RP1: variants seen among roughly 807,000 people sequenced by gnomAD.
RP1 encodes the protein oxygen-regulated protein 1.
RP1 carries 16 observed loss-of-function variants against 14.8 expected under a neutral mutation model. The ratio of observed to expected loss-of-function variants is 1.08; its 90% CI spans 0.73 to 1.65. RP1 has a LOEUF of 1.65. Ranked by LOEUF, RP1 falls within the 40% of genes most tolerant of loss-of-function variation. The probability of loss-of-function intolerance (pLI) is 0.00; values close to 1 mark genes in which losing one functional copy is unlikely to be tolerated. For missense variants in RP1, 2,631 were observed against 2,535.0 expected (o/e 1.04, Z -0.81); for synonymous variants, 876 against 883.6 (o/e 0.99, Z 0.15).
intron 22 of RP1, among the ~76,000 whole-genome samples, chr8:54,767,463 G>A (rs1267349288): frequency 6.6e-6 from 1 of 151,640 alleles, no homozygotes; most frequent in Non-Finnish European, 1.5e-5. Context: ...AGGTTTAAGT[G>A]ATTCTCCTGC....
intron 1 of RP1, among the ~76,000 whole-genome samples, chr8:54,586,225 C>G (rs1283337027): frequency 6.6e-6 from 1 of 152,190 alleles, no homozygotes; most frequent in Non-Finnish European, 1.5e-5. Context: ...AGTCAGGACC[C>G]TCAGCTGCAG....
intron 24 of RP1, among the ~76,000 whole-genome samples, chr8:54,817,033 G>T (rs75797562): frequency 2.0e-5 from 3 of 151,850 alleles, no homozygotes; most frequent in Non-Finnish European, 2.9e-5. Flanking sequence ...AGAGCCTTTC[G>T]CTGGCCACCC....
chr8:54,829,005 G>A (rs973019042), intron 24 of RP1, among the ~76,000 whole-genome samples: 9 of 143,968 alleles, frequency 6.3e-5, no homozygotes, highest in East Asian at 4.4e-4. Context: ...CGATTCTCCC[G>A]CCTCAGCCTG....
At chr8:54,679,639 T>TAA in intron 11 of RP1, 5 of 1,535,826 alleles carry the variant, frequency 3.3e-6, no homozygotes, top group Non-Finnish European at 4.4e-6. Context: ...TAAGATTTTG[T>TAA]TTGGGCTTTA....
In RP1 at chr8:54,624,574, CTTTT is replaced by C. The variant is rs1353592526; in HGVS notation, c.788-92_788-89del. 44 of 1,214,036 alleles carry C rather than the reference CTTTT, an allele frequency of 3.6e-5. No homozygotes were observed. The African/African-American group carries it at 5.2e-4, about 14-fold the overall frequency. 75.2% of individuals were successfully genotyped at this position (1,214,036 alleles called of 1,614,324 possible). ...ACTAATCATTTCCCCTTTTCTCTTT[CTTTT>C]TTTGCTGCCTCTTCCTTTGGATATT... is the stretch of plus-strand genomic sequence containing the variant. On this transcript the variant is annotated intron_variant, in intron 3 of 3. Coordinates refer to ENST00000220676, the MANE Select transcript of RP1 (RefSeq NM_006269.2).
rs373004832 is a variant in RP1 at position 54,574,303 on chromosome 8, G to A, written c.-13+14983G>A. On this transcript the variant is annotated intron_variant, in intron 1 of 22. Coordinates refer to the RP1 transcript ENST00000636932. ...AAAGAATGCTATTGGGAGCCGAAGC[G>A]GGGTGAGACCCTGGTAGCAAAGGCC... is the stretch of plus-strand genomic sequence containing the variant. 7.2e-5 allele frequency among the ~76,000 whole-genome samples: 11 copies of A among 152,282 alleles called. No homozygotes were observed. In the East Asian group the frequency reaches 1.9e-3, roughly 27 times the overall value.
At chr8:54,869,298 A>G (rs148331807) in intron 28 of RP1, among the ~76,000 whole-genome samples, 21 of 152,374 alleles carry the variant, frequency 1.4e-4, no homozygotes, top group African/African-American at 5.0e-4. Context: ...GATACATTCC[A>G]GATTTCAAGA....
At chr8:54,700,370 G>A (rs867868960) in intron 13 of RP1, among the ~76,000 whole-genome samples, 10 of 151,708 alleles carry the variant, frequency 6.6e-5, no homozygotes, top group Middle Eastern at 3.2e-3. Flanking sequence ...CAACTCATGG[G>A]ATGTTATTTA....
At chr8:54,747,040 G>A (rs920871808) in intron 19 of RP1, among the ~76,000 whole-genome samples, 3 of 152,066 alleles carry the variant, frequency 2.0e-5, no homozygotes, top group African/African-American at 4.8e-5. Flanking sequence ...ATCTCCTGCT[G>A]ACTCTATTGC....
downstream of RP1, among the ~76,000 whole-genome samples, chr8:54,772,350 T>C (rs1303599471): frequency 1.3e-5 from 2 of 151,920 alleles, no homozygotes; most frequent in Non-Finnish European, 2.9e-5. Flanking sequence ...AATAAATTTA[T>C]ATTAATTATA....
intron 24 of RP1, among the ~76,000 whole-genome samples, chr8:54,819,057 A>ATC (rs370666343): frequency 5.3e-5 from 8 of 149,948 alleles, no homozygotes; most frequent in South Asian, 2.1e-4. Context: ...CTACCCACAT[A>ATC]TCTCTCTCTC....
chr8:54,616,187 G>A lies in RP1; in HGVS notation c.-28G>A, dbSNP rs1308786257. The A allele has an allele frequency of 6.6e-6, 1 of 152,196 alleles. No homozygotes were observed. Among genetic ancestry groups the A allele is most frequent in the East Asian group, 1.9e-4 (1 of 5,204 alleles). The allele number at this position is 152,196 out of a possible 1,614,324, so 9.4% of individuals were successfully genotyped here. A position where few individuals can be genotyped will look rare whatever the true frequency, so the allele number is the denominator to read the frequency against. On this transcript the variant is annotated 5_prime_UTR_variant, in exon 1 of 4. Coordinates refer to ENST00000220676, the MANE Select transcript of RP1 (RefSeq NM_006269.2). ...ACATCTTTTTCTTTTCTTAATAAGG[G>A]ACGTTTCAAGTTGTGGTAAGTACAA... is the stretch of plus-strand genomic sequence containing the variant.
intron 12 of RP1, among the ~76,000 whole-genome samples, chr8:54,680,105 G>A (rs1185923000): frequency 6.6e-6 from 1 of 152,094 alleles, no homozygotes; most frequent in African/African-American, 2.4e-5. Flanking sequence ...ATAAATAGAT[G>A]ACAGGCTTTA....
intron 13 of RP1, chr8:54,699,616 C>A: frequency 1.1e-6 from 1 of 921,492 alleles, no homozygotes; most frequent in Non-Finnish European, 1.5e-6. Flanking sequence ...AGTATTATGT[C>A]TGTATATTTT....
intron 17 of RP1, among the ~76,000 whole-genome samples, chr8:54,733,551 T>C (rs1036126054): frequency 1.3e-5 from 2 of 152,198 alleles, no homozygotes; most frequent in Admixed American, 1.3e-4. Context: ...TTTCTTATTT[T>C]CTAGACTTGT....
At chr8:54,603,032 T>A (rs1805330744) in intron 1 of RP1, among the ~76,000 whole-genome samples, 1 of 152,222 alleles carries the variant, frequency 6.6e-6, no homozygotes, top group African/African-American at 2.4e-5. Flanking sequence ...GTGGAAGCTC[T>A]TTAGTTTAAT....
chr8:54,571,730 TG>T (rs1804527693), intron 1 of RP1, among the ~76,000 whole-genome samples: 1 of 152,196 alleles, frequency 6.6e-6, no homozygotes, highest in African/African-American at 2.4e-5. Flanking sequence ...TCAGCAGGGT[TG>T]GTTCCTAAGG....
At chr8:54,773,097 C>A (rs1406797525), downstream of RP1, among the ~76,000 whole-genome samples, 5 of 152,122 alleles carry the variant, frequency 3.3e-5, no homozygotes, top group East Asian at 1.9e-4. Flanking sequence ...AGTTCCCACA[C>A]TTGTGTGGCC....
At chr8:54,677,435 A>C (rs1807317352) in intron 8 of RP1, among the ~76,000 whole-genome samples, 1 of 152,182 alleles carries the variant, frequency 6.6e-6, no homozygotes, top group African/African-American at 2.4e-5. Flanking sequence ...TGCGTTAAAA[A>C]GTTTTATCTG....
Sources: gnomAD v4.1 joint callset for allele counts (sites outside exome capture counted in the v4.1 genomes callset) on GRCh38, gnomAD v4.1.1 for gene constraint, MANE v1.5 for transcripts, NCBI Gene and HGNC (gene_info 2026-07-23, HGNC 2026-07-21) for gene names.